The following IGFBP2 variants were observed in gnomAD, a reference collection of about 807,000 sequenced individuals.
IGFBP2 encodes the protein insulin like growth factor binding protein 2.
A neutral mutation model predicts 26.2 loss-of-function variants in IGFBP2; 12 were observed. The ratio of observed to expected loss-of-function variants is 0.46; its 90% CI spans 0.29 to 0.74. IGFBP2 has a LOEUF of 0.74. IGFBP2 is among the 30% of genes least tolerant of loss of function. The probability of loss-of-function intolerance (pLI) is 0.09; values close to 1 mark genes in which losing one functional copy is unlikely to be tolerated. For synonymous variants in IGFBP2, 189 were observed against 200.6 expected, an observed-to-expected ratio of 0.94 and a Z score of 0.49; for missense variants, 328 against 441.2, an observed-to-expected ratio of 0.74 and a Z score of 2.30.
intron 1 of IGFBP2, among the ~76,000 whole-genome samples, chr2:216,649,509 C>T (rs1697778120): frequency 6.6e-6 from 1 of 152,324 alleles, no homozygotes. Context: ...CTCACTTGGG[C>T]CTCAGCAACT....
At chr2:216,650,664 GA>G in intron 1 of IGFBP2, among the ~76,000 whole-genome samples, 1 of 152,178 alleles carries the variant, frequency 6.6e-6, no homozygotes, top group East Asian at 1.9e-4. Context: ...CAGGTGGAGG[GA>G]GATGATTCTC....
intron 1 of IGFBP2, among the ~76,000 whole-genome samples, chr2:216,643,059 C>T (rs1697646801): frequency 6.6e-6 from 1 of 152,204 alleles, no homozygotes; most frequent in African/African-American, 2.4e-5. Flanking sequence ...TGCAATTGTG[C>T]AGTCATCAAA....
chr2:216,639,965 CTG>C (rs747126065), intron 1 of IGFBP2, among the ~76,000 whole-genome samples: 2 of 152,092 alleles, frequency 1.3e-5, no homozygotes, highest in Non-Finnish European at 2.9e-5. Flanking sequence ...TTAAGGAACT[CTG>C]TATCCAGGGA....
At chr2:216,636,093 G>A (rs189145850) in intron 1 of IGFBP2, among the ~76,000 whole-genome samples, 83 of 152,242 alleles carry the variant, frequency 5.5e-4, no homozygotes, top group Admixed American at 5.0e-3. Context: ...AGAAAAAGGG[G>A]TCAAGGTTGG....
In IGFBP2 at chr2:216,647,958, G is replaced by A. The variant is rs149734288; in HGVS notation, c.443-12599G>A. 6.1e-3 allele frequency among the ~76,000 whole-genome samples: 936 copies of A among 152,302 alleles called. 3 individuals are homozygous for A. The highest frequency in any genetic ancestry group is 0.02 in the Middle Eastern group (6 of 294). Reference sequence around the variant, plus strand: ...AGCTATGGCAGTGCTTTTCATCAATGCAATCAAGTGACCTTTGGACACTTG... The same window carrying A: ...AGCTATGGCAGTGCTTTTCATCAATACAATCAAGTGACCTTTGGACACTTG... On this transcript the variant is annotated intron_variant, in intron 1 of 3. Transcript: ENST00000233809.
At position 216,633,693 on chromosome 2, in the gene IGFBP2, C is replaced by A; in HGVS notation, c.170C>A (p.Pro57Gln). ...PERLAACGPPPVAPPAAVAAV... is the reference protein window; with the variant it reads ...PERLAACGPPQVAPPAAVAAV... ...CGCCTGGCCGCCTGCGGGCCCCCGC[C>A]GGTTGCGCCGCCCGCCGCGGTGGCC... The change falls in exon 1 of 4, where the codon CCG becomes CAG. Residue 57 changes from proline (P) to glutamine (Q), a missense_variant. Pro to Gln is a moderately conservative substitution (Grantham distance 76, BLOSUM62 -1). Coordinates refer to ENST00000233809, the MANE Select transcript of IGFBP2 (RefSeq NM_000597.3). 1 of 1,168,120 alleles carries A rather than the reference C, an allele frequency of 8.6e-7. No homozygotes were observed. Among genetic ancestry groups the A allele is most frequent in the Non-Finnish European group, 1.1e-6 (1 of 948,918 alleles). The allele number at this position is 1,168,120 out of a possible 1,614,324, so 72.4% of individuals were successfully genotyped here.
chr2:216,645,552 C>A (rs1697695875), intron 1 of IGFBP2, among the ~76,000 whole-genome samples: 1 of 152,150 alleles, frequency 6.6e-6, no homozygotes. Context: ...ACCTCATGTG[C>A]CTGCTTGATA....
intron 1 of IGFBP2, among the ~76,000 whole-genome samples, chr2:216,636,860 T>A (rs910266222): frequency 1.6e-4 from 22 of 137,682 alleles, no homozygotes; most frequent in African/African-American, 6.0e-4. Context: ...CCGCTGCACG[T>A]ATAAAGGTGC....
chr2:216,641,188 T>A (rs1036505734), intron 1 of IGFBP2, among the ~76,000 whole-genome samples: 1 of 152,228 alleles, frequency 6.6e-6, no homozygotes, highest in Non-Finnish European at 1.5e-5. Context: ...TATGTTCTTG[T>A]ACATGTTAGC....
intron 2 of IGFBP2, 27 bp from the exon 3 acceptor site, chr2:216,661,831 G>T: frequency 6.2e-7 from 1 of 1,613,688 alleles, no homozygotes; most frequent in South Asian, 1.1e-5. Context: ...CCTCACTCCG[G>T]GCGTCCCCTG....
intron 1 of IGFBP2, among the ~76,000 whole-genome samples, chr2:216,635,779 G>A (rs1234444608): frequency 6.6e-6 from 1 of 152,054 alleles, no homozygotes; most frequent in Non-Finnish European, 1.5e-5. Context: ...GTCAGGGGAG[G>A]CCAGGGACAA....
intron 1 of IGFBP2, among the ~76,000 whole-genome samples, chr2:216,648,409 G>T (rs1310196718): frequency 6.6e-6 from 1 of 152,182 alleles, no homozygotes; most frequent in Non-Finnish European, 1.5e-5. Flanking sequence ...AACAGGCCAG[G>T]AGCCCAGGGC....
chr2:216,648,154 GTT>G (rs1697752148), intron 1 of IGFBP2, among the ~76,000 whole-genome samples: 1 of 152,152 alleles, frequency 6.6e-6, no homozygotes, highest in African/African-American at 2.4e-5. Context: ...GTTTAAGGCT[GTT>G]TTCTCTCTGG....
At chr2:216,639,007 A>ATTTT (rs1208707145) in intron 1 of IGFBP2, among the ~76,000 whole-genome samples, 3 of 115,050 alleles carry the variant, frequency 2.6e-5, no homozygotes, top group African/African-American at 7.4e-5. Flanking sequence ...GACCAGGCTA[A>ATTTT]TTTTTTTTTT....
chr2:216,661,574 T>G, intron 2 of IGFBP2: 2 of 511,676 alleles, frequency 3.9e-6, no homozygotes, highest in South Asian at 4.0e-5. Flanking sequence ...GATGGATATT[T>G]GGAGGCAGAG....
rs184983449 is a variant in IGFBP2 at position 216,662,097 on chromosome 2, C to T, written c.813+99C>T. On this transcript the variant is annotated intron_variant, in intron 3 of 3. Transcript: ENST00000233809. ...CCACCCGCCTATGATCCTCTGAGGT[C>T]TGAGCTGAGTGAGAGACTCAGACTC... 1.5e-3 allele frequency: 2,116 copies of T among 1,368,460 alleles called. 5 individuals are homozygous for T. In the Middle Eastern group the frequency reaches 0.029, roughly 19 times the overall value. 84.8% of individuals were successfully genotyped at this position (1,368,460 alleles called of 1,614,324 possible).
At chr2:216,645,255 A>G (rs1697688699) in intron 1 of IGFBP2, among the ~76,000 whole-genome samples, 1 of 152,186 alleles carries the variant, frequency 6.6e-6, no homozygotes, top group South Asian at 2.1e-4. Context: ...GGACAGGTTT[A>G]CTGGATCAAA....
chr2:216,637,337 C>T (rs1044379352), intron 1 of IGFBP2, among the ~76,000 whole-genome samples: 3 of 152,176 alleles, frequency 2.0e-5, no homozygotes, highest in Non-Finnish European at 4.4e-5. Context: ...TGGCAGTGTG[C>T]ACCCTGGCCT....
intron 1 of IGFBP2, among the ~76,000 whole-genome samples, chr2:216,658,696 T>C (rs563816884): frequency 3.0e-4 from 45 of 152,192 alleles, no homozygotes; most frequent in African/African-American, 9.9e-4. Context: ...ATTACAGGTG[T>C]GTGCCACCAC....
Sources: gnomAD v4.1 joint callset for allele counts (sites outside exome capture counted in the v4.1 genomes callset) on GRCh38, gnomAD v4.1.1 for gene constraint, MANE v1.5 for transcripts, NCBI Gene and HGNC (gene_info 2026-07-23, HGNC 2026-07-21) for gene names.